The following KIF16B variants were observed in gnomAD, a reference collection of about 807,000 sequenced individuals.
KIF16B encodes kinesin-like protein KIF16B.
KIF16B carries 98 observed loss-of-function variants against 156.3 expected under a neutral mutation model. The ratio of observed to expected loss-of-function variants is 0.63; its 90% CI spans 0.53 to 0.74. The LOEUF is 0.74. KIF16B is among the 30% of genes least tolerant of loss of function. The pLI, the probability that KIF16B is intolerant of heterozygous loss-of-function variation, is 0.00. For synonymous variants in KIF16B, 564 were observed against 583.7 expected, an observed-to-expected ratio of 0.97 and a Z score of 0.49; for missense variants, 1,421 against 1,606.5, an observed-to-expected ratio of 0.88 and a Z score of 1.97.
At chr20:16,297,479 T>G (rs1250709635) in intron 25 of KIF16B, among the ~76,000 whole-genome samples, 2 of 151,894 alleles carry the variant, frequency 1.3e-5, no homozygotes, top group Admixed American at 1.3e-4. Flanking sequence ...CATCACGAGG[T>G]CAGGAGATCA....
At chr20:16,350,800 C>T (rs1024788316) in intron 23 of KIF16B, among the ~76,000 whole-genome samples, 12 of 151,644 alleles carry the variant, frequency 7.9e-5, no homozygotes, top group African/African-American at 2.9e-4. Context: ...ACAGGCTGTG[C>T]CTAATGAGAG....
intron 10 of KIF16B, among the ~76,000 whole-genome samples, chr20:16,502,716 T>C (rs1046602752): frequency 6.6e-6 from 1 of 152,254 alleles, no homozygotes; most frequent in African/African-American, 2.4e-5. Flanking sequence ...TTTTAATCTA[T>C]ATAAGATTCC....
At chr20:16,431,636 C>T (rs2066502593) in intron 12 of KIF16B, among the ~76,000 whole-genome samples, 1 of 152,056 alleles carries the variant, frequency 6.6e-6, no homozygotes, top group Admixed American at 6.6e-5. Flanking sequence ...TATTTTGTAG[C>T]ACCCCTTGCC....
At chr20:16,557,142 T>A (rs188598318) in intron 1 of KIF16B, among the ~76,000 whole-genome samples, 3 of 124,400 alleles carry the variant, frequency 2.4e-5, no homozygotes, top group African/African-American at 9.9e-5. Flanking sequence ...CTATATATAT[T>A]AATACTATAT....
intron 12 of KIF16B, among the ~76,000 whole-genome samples, chr20:16,460,377 T>G (rs1457049201): frequency 6.6e-6 from 1 of 152,082 alleles, no homozygotes; most frequent in African/African-American, 2.4e-5. Context: ...GGTTAGGAGT[T>G]TGAGATCAGT....
chr20:16,310,487 A>G (rs939588548), intron 25 of KIF16B, among the ~76,000 whole-genome samples: 3 of 152,252 alleles, frequency 2.0e-5, no homozygotes, highest in African/African-American at 7.2e-5. Flanking sequence ...GTCATGGCAC[A>G]GCTGTGCACC....
chr20:16,504,390 C>G lies in KIF16B; in HGVS notation c.1158G>C (p.Leu386=), dbSNP rs2068714568. 1.2e-6 allele frequency: 2 copies of G among 1,613,888 alleles called. No individual in the cohort carries two copies. Among genetic ancestry groups the G allele is most frequent in the African/African-American group, 2.7e-5 (2 of 74,904 alleles). The part of the protein sequence containing the change: ...LRAEIARLKT[L]LAQGNQIALL... ...ACCCAACCTGATTCCCTTGAGCAAG[C>G]AGCGTTTTCAGTCTGGCTATTTCAG... Residue 386 remains leucine (L), a synonymous_variant, in exon 10 of 26, where the codon CTG becomes CTC. Coordinates refer to ENST00000354981, the MANE Select transcript of KIF16B (RefSeq NM_024704.5).
At chr20:16,322,421 T>C (rs958216173) in intron 24 of KIF16B, among the ~76,000 whole-genome samples, 14 of 152,174 alleles carry the variant, frequency 9.2e-5, no homozygotes, top group African/African-American at 3.4e-4. Context: ...AATTAGTATT[T>C]ACTTAAATCT....
chr20:16,277,808 T>C (rs1197533753), intron 25 of KIF16B, among the ~76,000 whole-genome samples: 2 of 152,136 alleles, frequency 1.3e-5, no homozygotes, highest in Admixed American at 6.5e-5. Flanking sequence ...CAATATCCAA[T>C]CTGTTTCTGA....
rs60283646 is a variant in KIF16B, at chr20:16,533,852, A to G, written c.48-5412T>C. ...TATCAAAAGATAATTACAGGTCATCAACATTAAGATCGAGGCCATCTATTT... is the reference window on the plus strand; with the variant it reads ...TATCAAAAGATAATTACAGGTCATCGACATTAAGATCGAGGCCATCTATTT... On this transcript the variant is annotated intron_variant, in intron 1 of 25. Coordinates refer to ENST00000354981, the MANE Select transcript of KIF16B (RefSeq NM_024704.5). Among the ~76,000 whole-genome samples the G allele has an allele frequency of 3.6e-3, 556 of 152,350 alleles. 2 individuals carry two copies. The highest frequency in any genetic ancestry group is 0.013 in the African/African-American group (538 of 41,574).
intron 1 of KIF16B, among the ~76,000 whole-genome samples, chr20:16,558,522 AC>A (rs2070937612): frequency 6.6e-6 from 1 of 152,196 alleles, no homozygotes; most frequent in Non-Finnish European, 1.5e-5. Context: ...TAGAAGAAAA[AC>A]CACCTGCTGA....
chr20:16,499,143 C>T lies in KIF16B; in HGVS notation c.1177-1465G>A, dbSNP rs117237828. On this transcript the variant is annotated intron_variant, in intron 10 of 25. Coordinates refer to ENST00000354981, the MANE Select transcript of KIF16B (RefSeq NM_024704.5). ...GAGGGGTCGAGATTCACATAGGCGTCTGTGGGACCCACCCTGGTTAGAAGC... is the reference window on the plus strand; with the variant it reads ...GAGGGGTCGAGATTCACATAGGCGTTTGTGGGACCCACCCTGGTTAGAAGC... Among the ~76,000 whole-genome samples, 1,101 of 152,248 alleles carry T rather than the reference C, an allele frequency of 7.2e-3. 3 individuals carry two copies. Among genetic ancestry groups the T allele is most frequent in the Non-Finnish European group, 0.011 (756 of 68,024 alleles).
intron 2 of KIF16B, among the ~76,000 whole-genome samples, chr20:16,527,410 G>C (rs551703528): frequency 6.6e-6 from 1 of 152,158 alleles, no homozygotes; most frequent in Admixed American, 6.5e-5. Flanking sequence ...CCAATCCTTT[G>C]AGCCATAAAT....
chr20:16,502,489 T>G (rs1278020701), intron 10 of KIF16B, among the ~76,000 whole-genome samples: 1 of 152,166 alleles, frequency 6.6e-6, no homozygotes, highest in Non-Finnish European at 1.5e-5. Context: ...TATCAAAAAT[T>G]TTATCTGCAA....
At chr20:16,292,339 C>T (rs2063325360) in intron 25 of KIF16B, among the ~76,000 whole-genome samples, 1 of 152,112 alleles carries the variant, frequency 6.6e-6, no homozygotes, top group African/African-American at 2.4e-5. Context: ...TAAATACTGT[C>T]TCAAAGGATT....
At chr20:16,456,412 G>A (rs1410257494) in intron 12 of KIF16B, among the ~76,000 whole-genome samples, 1 of 151,892 alleles carries the variant, frequency 6.6e-6, no homozygotes, top group Non-Finnish European at 1.5e-5. Context: ...GCTAAAAATA[G>A]TCCTGCTGTT....
chr20:16,434,335 T>C (rs2066584630), intron 12 of KIF16B, among the ~76,000 whole-genome samples: 1 of 152,180 alleles, frequency 6.6e-6, no homozygotes, highest in Non-Finnish European at 1.5e-5. Context: ...CTCGGCTCAA[T>C]GCGCAAGGCC....
At chr20:16,304,745 G>A (rs1438148048) in intron 25 of KIF16B, among the ~76,000 whole-genome samples, 1 of 152,118 alleles carries the variant, frequency 6.6e-6, no homozygotes, top group African/African-American at 2.4e-5. Flanking sequence ...GTAAATGACT[G>A]AGAAAACTCA....
At chr20:16,491,174 G>A (rs1432556681) in intron 12 of KIF16B, among the ~76,000 whole-genome samples, 1 of 152,120 alleles carries the variant, frequency 6.6e-6, no homozygotes, top group Non-Finnish European at 1.5e-5. Context: ...CCTGAATGAA[G>A]GAGTAACACA....
Sources: gnomAD v4.1 joint callset for allele counts (sites outside exome capture counted in the v4.1 genomes callset) on GRCh38, gnomAD v4.1.1 for gene constraint, MANE v1.5 for transcripts, NCBI Gene and HGNC (gene_info 2026-07-23, HGNC 2026-07-21) for gene names.